MCF2L: variants seen among roughly 807,000 people sequenced by gnomAD.
MCF2L encodes the protein guanine nucleotide exchange factor DBS.
In MCF2L, 97 loss-of-function variants were observed where a neutral mutation model predicts 153.4. The ratio of observed to expected loss-of-function variants is 0.63; its 90% CI spans 0.54 to 0.75. MCF2L has a LOEUF of 0.75. Ranked by LOEUF, MCF2L falls within the 30% of genes least tolerant of loss-of-function variation. The probability of loss-of-function intolerance (pLI) is 0.00; values close to 1 mark genes in which losing one functional copy is unlikely to be tolerated. For missense variants in MCF2L, 1,347 were observed against 1,495.2 expected (o/e 0.90, Z 1.64); for synonymous variants, 659 against 632.2 (o/e 1.04, Z -0.64).
chr13:113,004,545 G>A (rs919082308), intron 1 of MCF2L, among the ~76,000 whole-genome samples: 12 of 152,196 alleles, frequency 7.9e-5, no homozygotes, highest in African/African-American at 2.9e-4. Context: ...CTGGTGGGGG[G>A]CAGCCATCAC....
intron 1 of MCF2L, among the ~76,000 whole-genome samples, chr13:113,002,667 C>A (rs995447513): frequency 6.6e-6 from 1 of 152,148 alleles, no homozygotes; most frequent in Non-Finnish European, 1.5e-5. Context: ...GAAGGGGTCA[C>A]GTGGGGAGGA....
In MCF2L at chr13:113,097,562, C is replaced by G. The variant is rs1445049207; in HGVS notation, c.*703C>G. The G allele has an allele frequency of 6.6e-6, 1 of 151,924 alleles. No homozygotes were observed. The highest frequency in any genetic ancestry group is 1.5e-5 in the Non-Finnish European group (1 of 67,998). The allele number at this position is 151,924 out of a possible 1,614,324, so 9.4% of individuals were successfully genotyped here. A position where few individuals can be genotyped will look rare whatever the true frequency, so the allele number is the denominator to read the frequency against. On this transcript the variant is annotated 3_prime_UTR_variant, in exon 30 of 30. Coordinates refer to ENST00000535094, the MANE Select transcript of MCF2L (RefSeq NM_001112732.3). ...TGACATCAGGTGGTGTCTCCACCAC[C>G]AAAAGCAGTTAGAAGCCAAGGAGAT...
chr13:113,095,017 A>G (rs1375635353), intron 27 of MCF2L: 2 of 1,374,810 alleles, frequency 1.5e-6, no homozygotes, highest in Non-Finnish European at 9.7e-7. Context: ...CACCTTCCTC[A>G]GAGGAGACAG....
At position 112,913,569 on chromosome 13, in the gene MCF2L, G is replaced by A. The variant is rs544125100; in HGVS notation, c.169+11198G>A. On this transcript the variant is annotated intron_variant, in intron 2 of 29. Transcript: ENST00000375608. ...ATGCCTCGGTGTGAGAGGATGGGCT[G>A]CTAGTAAACATTTGTGGCAAATATG... Among the ~76,000 whole-genome samples, 11 of 152,276 alleles carry A rather than the reference G, an allele frequency of 7.2e-5. No homozygotes were observed. The South Asian group carries it at 1.9e-3, about 26-fold the overall frequency.
chr13:112,920,666 AG>A (rs2140565211), intron 2 of MCF2L, among the ~76,000 whole-genome samples: 1 of 28,136 alleles, frequency 3.6e-5, no homozygotes, highest in Admixed American at 5.1e-4. Context: ...GGTGGGTGCC[AG>A]GGGGAGGGCT....
chr13:113,025,149 A>G (rs1477317282), intron 3 of MCF2L, among the ~76,000 whole-genome samples: 2 of 78,064 alleles, frequency 2.6e-5, no homozygotes, highest in Admixed American at 1.3e-4. Flanking sequence ...TTTCCCCATC[A>G]TGCGGTCCCC....
chr13:112,915,135 C>T (rs999930941), intron 2 of MCF2L, among the ~76,000 whole-genome samples: 3 of 151,902 alleles, frequency 2.0e-5, no homozygotes, highest in South Asian at 2.1e-4. Context: ...GTTGGCCGGG[C>T]GTGGTGGCTC....
At position 112,915,410 on chromosome 13, in the gene MCF2L, C is replaced by CAAAAAAAAAA. The variant is rs779274453; in HGVS notation, c.169+13045_169+13054dup. 9.2e-3 allele frequency among the ~76,000 whole-genome samples: 799 copies of CAAAAAAAAAA among 86,742 alleles called. 66 individuals carry two copies. The highest frequency in any genetic ancestry group is 0.024 in the African/African-American group (449 of 18,724). The allele number at this position is 86,742 out of a possible 152,430, so 56.9% of individuals were successfully genotyped here. A position where few individuals can be genotyped will look rare whatever the true frequency, so the allele number is the denominator to read the frequency against. ...GGTGACAGAGCAAGACTCTGTCTCA[C>CAAAAAAAAAA]AAAAAAAAAAAAAAATCCATCCTCA... is the stretch of plus-strand genomic sequence containing the variant. On this transcript the variant is annotated intron_variant, in intron 2 of 29. Coordinates refer to the MCF2L transcript ENST00000375608.
intron 2 of MCF2L, among the ~76,000 whole-genome samples, chr13:112,926,564 G>C (rs539266899): frequency 4.8e-4 from 73 of 152,276 alleles, no homozygotes; most frequent in African/African-American, 1.7e-3. Context: ...GTGCCACCTG[G>C]TCGATATGCA....
rs2086209500 is a variant in MCF2L at position 113,037,208 on chromosome 13, C to T, written c.279-8063C>T. 2.6e-5 allele frequency among the ~76,000 whole-genome samples: 4 copies of T among 152,306 alleles called. No homozygotes were observed. The South Asian group carries it at 8.3e-4, about 32-fold the overall frequency. ...GAACCCTTGGCTTGCGTCCTAAGCTCTGTGTGCTGTTAGGATGATGATAAC... is the reference window on the plus strand; with the variant it reads ...GAACCCTTGGCTTGCGTCCTAAGCTTTGTGTGCTGTTAGGATGATGATAAC... On this transcript the variant is annotated intron_variant, in intron 3 of 29. Coordinates refer to ENST00000535094, the MANE Select transcript of MCF2L (RefSeq NM_001112732.3).
chr13:113,045,569 G>A lies in MCF2L; in HGVS notation c.369+208G>A. The A allele has an allele frequency of 3.4e-6, 2 of 590,744 alleles. No homozygotes were observed. The highest frequency in any genetic ancestry group is 6.1e-6 in the Non-Finnish European group (2 of 329,520). The allele number at this position is 590,744 out of a possible 1,614,324, so 36.6% of individuals were successfully genotyped here. ...TGGGTGTGAGTTTTCCCAGATGAAG[G>A]AACTCTTAGGGAGCCCAATGTGACT... On this transcript the variant is annotated intron_variant, in intron 4 of 29. Transcript: ENST00000535094. The surrounding 1 kb of genome is among the most constrained non-coding windows in gnomAD (Gnocchi z 4.2).
At chr13:112,978,073 CCAAA>C (rs1049194520) in intron 1 of MCF2L, among the ~76,000 whole-genome samples, 158 of 152,252 alleles carry the variant, frequency 1.0e-3, no homozygotes, top group African/African-American at 3.4e-3. Flanking sequence ...GACTCTGTCT[CCAAA>C]CAAACAAACA....
chr13:112,924,079 G>T (rs892845578), intron 2 of MCF2L, among the ~76,000 whole-genome samples: 3 of 151,922 alleles, frequency 2.0e-5, no homozygotes, highest in Non-Finnish European at 4.4e-5. Context: ...TGTTAAATTT[G>T]ACGACATGGT....
In MCF2L at chr13:112,941,306, CAT is replaced by C. The variant is rs970143351; in HGVS notation, c.169+38946_169+38947del. On this transcript the variant is annotated intron_variant, in intron 2 of 29. Coordinates refer to the MCF2L transcript ENST00000375608. The surrounding 1 kb of genome is among the most constrained non-coding windows in gnomAD (Gnocchi z 4.9). ...GGTGGCACTCTGGAAGCCCATAAGC[CAT>C]ATATATATATTTCATATTATATATT... 6.7e-6 allele frequency among the ~76,000 whole-genome samples: 1 copy of C among 148,554 alleles called. No individual in the cohort carries two copies. Among genetic ancestry groups the C allele is most frequent in the Non-Finnish European group, 1.5e-5 (1 of 67,322 alleles).
chr13:113,022,665 C>A (rs183166558), intron 2 of MCF2L, among the ~76,000 whole-genome samples: 2 of 152,236 alleles, frequency 1.3e-5, no homozygotes, highest in Non-Finnish European at 2.9e-5. Context: ...ACACTCTTAC[C>A]TTTAATGGCG....
chr13:112,909,562 G>C (rs1594308210), intron 2 of MCF2L: 2 of 459,298 alleles, frequency 4.4e-6, no homozygotes, highest in East Asian at 3.2e-5. Context: ...GTGGCATTTG[G>C]AGGAGAGTCT....
intron 2 of MCF2L, among the ~76,000 whole-genome samples, chr13:112,955,200 C>T (rs1455909187): frequency 6.6e-6 from 1 of 152,102 alleles, no homozygotes; most frequent in Non-Finnish European, 1.5e-5. Flanking sequence ...TGCTGGGTCC[C>T]CAGCATGAAG....
intron 4 of MCF2L, among the ~76,000 whole-genome samples, chr13:113,059,266 C>T (rs951050158): frequency 2.6e-5 from 4 of 152,198 alleles, no homozygotes; most frequent in Non-Finnish European, 4.4e-5. Flanking sequence ...ACGCCCCACG[C>T]GTCCCCTGAC....
At chr13:113,058,829 CGCTGAGTGTTTGGGT>C (rs1168072093) in intron 4 of MCF2L, among the ~76,000 whole-genome samples, 54 of 93,732 alleles carry the variant, frequency 5.8e-4, no homozygotes, top group Admixed American at 1.8e-3. Flanking sequence ...TGTGTTTGGG[CGCTGAGTGTTTGGGT>C]GCTGAGTGTT....
Sources: gnomAD v4.1 joint callset for allele counts (sites outside exome capture counted in the v4.1 genomes callset) on GRCh38, gnomAD v4.1.1 for gene constraint, Gnocchi (gnomAD v3.1) non-coding constraint, MANE v1.5 for transcripts, NCBI Gene and HGNC (gene_info 2026-07-23, HGNC 2026-07-21) for gene names.